Variants in CAB39 observed in about 807,000 individuals in gnomAD.
CAB39 encodes the protein calcium binding protein 39, also known as calcium-binding protein 39.
In CAB39, 8 loss-of-function variants were observed where a neutral mutation model predicts 40.0. The observed-to-expected ratio is 0.20, with a 90% CI of 0.12 to 0.36. The LOEUF is 0.36. CAB39 is among the 10% of genes least tolerant of loss of function. CAB39 has a pLI of 1.00. For synonymous variants in CAB39, 156 were observed against 141.6 expected, an observed-to-expected ratio of 1.10 and a Z score of -0.72; for missense variants, 270 against 401.1, an observed-to-expected ratio of 0.67 and a Z score of 2.79.
At position 230,820,924 on chromosome 2, in the gene CAB39, G is replaced by A. The variant is rs982085419; in HGVS notation, c.*2220G>A. The A allele has an allele frequency of 6.6e-6, 1 of 152,646 alleles. No individual in the cohort carries two copies. Among genetic ancestry groups the A allele is most frequent in the Admixed American group, 6.5e-5 (1 of 15,284 alleles). 9.5% of individuals were successfully genotyped at this position (152,646 alleles called of 1,614,324 possible). A position where few individuals can be genotyped will look rare whatever the true frequency, so the allele number is the denominator to read the frequency against. On this transcript the variant is annotated 3_prime_UTR_variant, in exon 9 of 9. Coordinates refer to ENST00000258418, the MANE Select transcript of CAB39 (RefSeq NM_016289.4). ...ATTTTACATAAGGCAGTTACTTAAT[G>A]TGATTTTTAACCCTTAAAAAAGTGG...
intron 4 of CAB39, among the ~76,000 whole-genome samples, chr2:230,794,719 G>C (rs57329393): frequency 2.0e-5 from 3 of 152,096 alleles, no homozygotes; most frequent in Admixed American, 6.5e-5. Flanking sequence ...AAAAATATAC[G>C]TACAACTAGA....
chr2:230,775,628 A>G (rs1249642138), intron 2 of CAB39, among the ~76,000 whole-genome samples: 1 of 152,234 alleles, frequency 6.6e-6, no homozygotes, highest in Non-Finnish European at 1.5e-5. Context: ...AAATTTTGCT[A>G]AATAGATCCC....
intron 1 of CAB39, among the ~76,000 whole-genome samples, chr2:230,758,153 C>G (rs1461145307): frequency 6.6e-6 from 1 of 151,946 alleles, no homozygotes; most frequent in African/African-American, 2.4e-5. Context: ...CAAAAATTAG[C>G]TGGGTTGGTG....
Position 230,800,926 on chromosome 2 carries a change from G to A in CAB39, c.567+2029G>A, listed in dbSNP as rs373310173. Among the ~76,000 whole-genome samples the A allele has an allele frequency of 4.6e-5, 7 of 152,146 alleles. No individual in the cohort carries two copies. In the East Asian group the frequency reaches 7.8e-4, roughly 17 times the overall value. ...AAGGAGAAAATGGCAGTGATGGATC[G>A]CTATGGGTAAAGCAGCCCTATCAGG... On this transcript the variant is annotated intron_variant, in intron 5 of 8. Coordinates refer to ENST00000258418, the MANE Select transcript of CAB39 (RefSeq NM_016289.4).
At position 230,728,387 on chromosome 2, in the gene CAB39, T is replaced by C. The variant is rs138811796; in HGVS notation, c.-44+15157T>C. Among the ~76,000 whole-genome samples, 53 of 152,082 alleles carry C rather than the reference T, an allele frequency of 3.5e-4. 1 individual carries two copies. The highest frequency in any genetic ancestry group is 1.3e-3 in the African/African-American group (53 of 41,490). On this transcript the variant is annotated intron_variant, in intron 1 of 8. Coordinates refer to ENST00000258418, the MANE Select transcript of CAB39 (RefSeq NM_016289.4). Reference sequence around the variant, plus strand: ...TATCTTTTTTTTTTTTCCTGCTCACTGCAACTCTTCCACCCAAGTTCAAGT... The same window carrying C: ...TATCTTTTTTTTTTTTCCTGCTCACCGCAACTCTTCCACCCAAGTTCAAGT...
At chr2:230,792,835 TAAG>T (rs1695914674) in intron 3 of CAB39, among the ~76,000 whole-genome samples, 1 of 152,228 alleles carries the variant, frequency 6.6e-6, no homozygotes, top group Non-Finnish European at 1.5e-5. Context: ...GTTCCCAATG[TAAG>T]CATCTTATTT....
chr2:230,797,833 A>T (rs1356872344), intron 4 of CAB39, among the ~76,000 whole-genome samples: 1 of 151,834 alleles, frequency 6.6e-6, no homozygotes, highest in African/African-American at 2.4e-5. Flanking sequence ...TGAGTAGAAG[A>T]CTCTATTTAG....
Position 230,818,625 on chromosome 2 carries a change from A to T in CAB39, c.947A>T (p.Asp316Val). 1 of 1,614,230 alleles carries T rather than the reference A, an allele frequency of 6.2e-7. No individual in the cohort carries two copies. Residue 316 changes from aspartate to valine, a missense_variant, in exon 9 of 9, where the codon GAT becomes GTT. Asp to Val is a radical substitution (Grantham distance 152). Transcript: ENST00000258418. The part of the protein sequence containing the change: ...LSKFQNDRTE[D>V]EQFNDEKTYL... ...AAGTTTCAGAACGACAGGACGGAGG[A>T]TGAGCAGTTTAACGACGAGAAGACC...
chr2:230,741,026 C>A (rs1575912756), intron 1 of CAB39, among the ~76,000 whole-genome samples: 1 of 152,120 alleles, frequency 6.6e-6, no homozygotes, highest in African/African-American at 2.4e-5. Context: ...AGTATGGGAT[C>A]CAGTTTGGAG....
intron 3 of CAB39, among the ~76,000 whole-genome samples, chr2:230,791,746 T>G (rs74535815): frequency 0.018 from 2,754 of 152,350 alleles, 45 homozygotes; most frequent in Non-Finnish European, 0.024. Context: ...CCAGCCCTGG[T>G]AGGCATTTGA....
intron 2 of CAB39, among the ~76,000 whole-genome samples, chr2:230,760,647 A>G (rs896237051): frequency 4.6e-5 from 7 of 152,166 alleles, no homozygotes; most frequent in Admixed American, 1.3e-4. Flanking sequence ...TTCCCCCACA[A>G]TCTTCCTGGG....
intron 1 of CAB39, among the ~76,000 whole-genome samples, chr2:230,731,579 TG>T (rs1488996107): frequency 6.6e-6 from 1 of 152,230 alleles, no homozygotes; most frequent in African/African-American, 2.4e-5. Flanking sequence ...CATAGCTCAC[TG>T]TAGCCTCAAA....
At chr2:230,784,832 A>C (rs1278285840) in intron 2 of CAB39, among the ~76,000 whole-genome samples, 2 of 152,212 alleles carry the variant, frequency 1.3e-5, no homozygotes, top group African/African-American at 4.8e-5. Flanking sequence ...CCACGAGAGC[A>C]CACCGAACAA....
At chr2:230,750,563 A>T (rs184076888) in intron 1 of CAB39, among the ~76,000 whole-genome samples, 10 of 150,574 alleles carry the variant, frequency 6.6e-5, no homozygotes, top group Non-Finnish European at 1.0e-4. Flanking sequence ...CTAAGTTACC[A>T]CATCTTTTAT....
chr2:230,757,477 G>A (rs1477892338), intron 1 of CAB39, among the ~76,000 whole-genome samples: 1 of 152,114 alleles, frequency 6.6e-6, no homozygotes, highest in African/African-American at 2.4e-5. Flanking sequence ...TAACAGAAAT[G>A]ATTATGTCAT....
intron 1 of CAB39, among the ~76,000 whole-genome samples, chr2:230,741,187 G>A (rs1385355469): frequency 1.3e-5 from 2 of 152,210 alleles, no homozygotes; most frequent in Non-Finnish European, 2.9e-5. Flanking sequence ...TATGGTAATT[G>A]TGGTGCAGAT....
intron 1 of CAB39, among the ~76,000 whole-genome samples, chr2:230,753,439 G>T (rs530600063): frequency 7.6e-4 from 116 of 152,266 alleles, no homozygotes; most frequent in African/African-American, 2.6e-3. Context: ...TTAGCCCAAG[G>T]AATCCTGCTG....
intron 2 of CAB39, among the ~76,000 whole-genome samples, chr2:230,768,377 ATT>A (rs1695425949): frequency 6.6e-6 from 1 of 152,170 alleles, no homozygotes; most frequent in Admixed American, 6.6e-5. Context: ...TGGTCCTGGT[ATT>A]GTCCATACAG....
At chr2:230,753,596 A>G (rs1158502520) in intron 1 of CAB39, among the ~76,000 whole-genome samples, 1 of 151,996 alleles carries the variant, frequency 6.6e-6, no homozygotes, top group Non-Finnish European at 1.5e-5. Flanking sequence ...CTACAACAAA[A>G]ATTAGCCAGG....
Sources: allele counts gnomAD v4.1 joint callset (sites outside exome capture counted in the v4.1 genomes callset), GRCh38; gene constraint gnomAD v4.1.1; transcripts MANE v1.5; gene names NCBI Gene and HGNC (gene_info 2026-07-23, HGNC 2026-07-21).